Variants in NLGN1 observed in about 807,000 individuals in gnomAD.
NLGN1 encodes neuroligin-1.
Under a neutral mutation model 65.5 loss-of-function variants are expected in NLGN1, and 12 were observed. The observed-to-expected ratio is 0.18, with a 90% CI of 0.12 to 0.30. The LOEUF is 0.30. Ranked by LOEUF, NLGN1 falls within the 10% of genes least tolerant of loss-of-function variation. The probability of loss-of-function intolerance (pLI) is 1.00; values close to 1 mark genes in which losing one functional copy is unlikely to be tolerated. For synonymous variants in NLGN1, 350 were observed against 359.5 expected, an observed-to-expected ratio of 0.97 and a Z score of 0.30; for missense variants, 750 against 1,007.1, an observed-to-expected ratio of 0.74 and a Z score of 3.46.
chr3:173,794,762 T>G (rs951735956), intron 3 of NLGN1, among the ~76,000 whole-genome samples: 5 of 152,200 alleles, frequency 3.3e-5, no homozygotes, highest in Admixed American at 2.0e-4. Flanking sequence ...TTTAATTTAC[T>G]TTTTATCTAC....
chr3:173,538,604 T>C (rs1737857662), intron 2 of NLGN1, among the ~76,000 whole-genome samples: 1 of 152,160 alleles, frequency 6.6e-6, no homozygotes, highest in Admixed American at 6.5e-5. Context: ...GGTAACTGGC[T>C]GGTCACTGGA....
chr3:173,456,266 A>G (rs796800473), intron 2 of NLGN1, among the ~76,000 whole-genome samples: 51 of 152,270 alleles, frequency 3.3e-4, no homozygotes, highest in African/African-American at 1.0e-3. Flanking sequence ...AGGTGACATG[A>G]AACAGTGACA....
rs145034150 is a variant in NLGN1 at position 173,903,698 on chromosome 3, G to A, written c.646+95866G>A. ...AGAGAGGGTAGGAAGGTATACCTGCGGGCAAGGAGCTATGGAGGGCCTCCT... is the reference window on the plus strand; with the variant it reads ...AGAGAGGGTAGGAAGGTATACCTGCAGGCAAGGAGCTATGGAGGGCCTCCT... On this transcript the variant is annotated intron_variant, in intron 4 of 6. Coordinates refer to ENST00000457714, the Ensembl canonical transcript of NLGN1. Among the ~76,000 whole-genome samples, 466 of 152,192 alleles carry A rather than the reference G, an allele frequency of 3.1e-3. 4 individuals are homozygous for A. The highest frequency in any genetic ancestry group is 0.011 in the African/African-American group (444 of 41,516).
intron 3 of NLGN1, among the ~76,000 whole-genome samples, chr3:173,698,902 G>T (rs1766661516): frequency 2.0e-5 from 3 of 152,048 alleles, no homozygotes; most frequent in African/African-American, 7.3e-5. Flanking sequence ...TGTTGCCGAG[G>T]CTGGAGTACA....
intron 4 of NLGN1, among the ~76,000 whole-genome samples, chr3:174,002,863 T>A (rs1400640014): frequency 1.3e-5 from 2 of 152,250 alleles, no homozygotes; most frequent in Non-Finnish European, 2.9e-5. Context: ...TCATTGCAAG[T>A]AGAAATTCTT....
intron 3 of NLGN1, among the ~76,000 whole-genome samples, chr3:173,618,545 A>T (rs866534044): frequency 2.0e-5 from 3 of 152,146 alleles, no homozygotes; most frequent in Admixed American, 6.5e-5. Flanking sequence ...GCAAGCCAGA[A>T]ATCACTTTAT....
chr3:174,184,954 A>G (rs533978707), intron 4 of NLGN1, among the ~76,000 whole-genome samples: 4 of 152,212 alleles, frequency 2.6e-5, no homozygotes, highest in African/African-American at 7.2e-5. Context: ...GATTCAGGAA[A>G]AAATATGACC....
At chr3:174,275,566 C>T in intron 5 of NLGN1, 39 bp downstream of exon 5, 1 of 1,249,780 alleles carries the variant, frequency 8.0e-7, no homozygotes, top group Middle Eastern at 1.9e-4. Flanking sequence ...ATTTTGGTGT[C>T]TGCATGCCAC....
intron 4 of NLGN1, chr3:174,136,361 A>G (rs1157847311): frequency 3.9e-5 from 6 of 152,142 alleles, no homozygotes; most frequent in Admixed American, 3.9e-4. Flanking sequence ...CCCTATCCCT[A>G]AACTGATACG....
At chr3:173,897,420 T>G (rs973564342) in intron 4 of NLGN1, among the ~76,000 whole-genome samples, 3 of 152,194 alleles carry the variant, frequency 2.0e-5, no homozygotes, top group Admixed American at 1.3e-4. Context: ...TATAAATATA[T>G]CATTCAACAA....
chr3:174,294,192 G>A, the NLGN1 span, among the ~76,000 whole-genome samples: 1 of 151,380 alleles, frequency 6.6e-6, no homozygotes, highest in African/African-American at 2.4e-5. Flanking sequence ...TATCATTATT[G>A]TATTAATTTG....
chr3:174,196,102 T>TA (rs1205648034), intron 4 of NLGN1, among the ~76,000 whole-genome samples: 1 of 152,194 alleles, frequency 6.6e-6, no homozygotes. Flanking sequence ...TGGCACACTT[T>TA]AAAATCTGAT....
At chr3:174,220,389 G>A (rs539928611) in intron 4 of NLGN1, among the ~76,000 whole-genome samples, 3 of 152,234 alleles carry the variant, frequency 2.0e-5, no homozygotes, top group African/African-American at 7.2e-5. Flanking sequence ...TATAGGCCTA[G>A]AGATATATAA....
intron 2 of NLGN1, among the ~76,000 whole-genome samples, chr3:173,565,108 A>G (rs1364025468): frequency 6.6e-6 from 1 of 152,172 alleles, no homozygotes; most frequent in Non-Finnish European, 1.5e-5. Context: ...GTTAGAGAAG[A>G]TGTCAGTCTG....
chr3:173,425,799 T>C (rs547343108), intron 1 of NLGN1, among the ~76,000 whole-genome samples: 1 of 152,312 alleles, frequency 6.6e-6, no homozygotes, highest in South Asian at 2.1e-4. Flanking sequence ...TGCTCAGGAC[T>C]ACTTTGACTA....
chr3:173,586,654 A>C (rs1747501174), intron 2 of NLGN1, among the ~76,000 whole-genome samples: 1 of 152,220 alleles, frequency 6.6e-6, no homozygotes, highest in South Asian at 2.1e-4. Context: ...TATAGAAATA[A>C]CAATAAATAG....
intron 3 of NLGN1, among the ~76,000 whole-genome samples, chr3:173,729,701 A>G (rs2150047299): frequency 6.6e-6 from 1 of 152,224 alleles, no homozygotes; most frequent in East Asian, 1.9e-4. Context: ...CAGCATTGAT[A>G]AAAGCTTAAA....
At chr3:173,566,043 G>C (rs1346600276) in intron 2 of NLGN1, among the ~76,000 whole-genome samples, 1 of 152,200 alleles carries the variant, frequency 6.6e-6, no homozygotes, top group Non-Finnish European at 1.5e-5. Flanking sequence ...GAAGGGATGA[G>C]CATACTGGGA....
intron 4 of NLGN1, among the ~76,000 whole-genome samples, chr3:174,190,117 T>C (rs1199845287): frequency 1.3e-5 from 2 of 152,000 alleles, no homozygotes; most frequent in African/African-American, 4.8e-5. Context: ...TAAAAGTGAG[T>C]TATTATATGA....
Sources: gnomAD v4.1 joint callset for allele counts (sites outside exome capture counted in the v4.1 genomes callset) on GRCh38, gnomAD v4.1.1 for gene constraint, MANE v1.5 for transcripts, NCBI Gene and HGNC (gene_info 2026-07-23, HGNC 2026-07-21) for gene names.